The following HHLA1 variants were observed in gnomAD, a reference collection of about 807,000 sequenced individuals.
HHLA1 encodes HHLA1 neighbor of OC90, also known as HERV-H LTR-associating protein 1.
A neutral mutation model predicts 69.9 loss-of-function variants in HHLA1; 72 were observed. That is an observed-to-expected ratio of 1.03 (90% CI 0.85 to 1.25). The LOEUF is 1.25. HHLA1 is among the 50% of genes most tolerant of loss of function. The pLI is 0.00. For missense variants in HHLA1, 685 were observed against 642.2 expected (o/e 1.07, Z -0.72); for synonymous variants, 252 against 233.2 (o/e 1.08, Z -0.73).
At chr8:132,103,061 T>C (rs1309762368) in intron 3 of HHLA1, among the ~76,000 whole-genome samples, 1 of 152,210 alleles carries the variant, frequency 6.6e-6, no homozygotes, top group Non-Finnish European at 1.5e-5. Context: ...TTTGTACTTC[T>C]TAATGCTTAG....
intron 7 of HHLA1, among the ~76,000 whole-genome samples, chr8:132,094,881 C>T (rs75038380): frequency 0.011 from 1,653 of 152,256 alleles, 27 homozygotes; most frequent in African/African-American, 0.037. Context: ...GGTGAATTAA[C>T]GGTGCAAAAA....
chr8:132,062,253 A>AG lies in HHLA1; in HGVS notation c.*1741_*1742insC. ...GATAATATACATTTATGAGCTTGAC[A>AG]TTTGCATAACTTGGAGAGTCTTTCA... On this transcript the variant is annotated 3_prime_UTR_variant, in exon 17 of 17. Coordinates refer to ENST00000414222, the MANE Select transcript of HHLA1 (RefSeq NM_001145095.3). 6.6e-6 allele frequency: 1 copy of AG among 152,224 alleles called. No homozygotes were observed. The highest frequency in any genetic ancestry group is 6.5e-5 in the Admixed American group (1 of 15,288). The allele number at this position is 152,224 out of a possible 1,614,324, so 9.4% of individuals were successfully genotyped here. A position where few individuals can be genotyped will look rare whatever the true frequency, so the allele number is the denominator to read the frequency against.
intron 2 of HHLA1, among the ~76,000 whole-genome samples, chr8:132,104,402 G>A (rs1824169631): frequency 2.0e-5 from 3 of 152,166 alleles, no homozygotes; most frequent in Non-Finnish European, 4.4e-5. Flanking sequence ...TAGGCATTGT[G>A]TGTGCTGGAA....
chr8:132,066,568 G>A lies in HHLA1; in HGVS notation c.1470-600C>T, dbSNP rs114808824. ...ATTAATAGGAAGAAGAGTTCTCAGT[G>A]CAGGCTGTGTCAACTAGCTCATTGT... is the stretch of plus-strand genomic sequence containing the variant. On this transcript the variant is annotated intron_variant, in intron 15 of 16. Transcript: ENST00000414222. Among the ~76,000 whole-genome samples, 828 of 152,320 alleles carry A rather than the reference G, an allele frequency of 5.4e-3. 9 individuals are homozygous for A. Among genetic ancestry groups the A allele is most frequent in the African/African-American group, 0.018 (763 of 41,578 alleles).
chr8:132,098,553 C>G (rs1824058715), intron 5 of HHLA1, among the ~76,000 whole-genome samples: 2 of 152,168 alleles, frequency 1.3e-5, no homozygotes, highest in African/African-American at 4.8e-5. Context: ...CCTCGACCTT[C>G]TGGGCTCCAG....
In HHLA1 at chr8:132,076,049, A is replaced by T; in HGVS notation, c.1315+6T>A. 1 of 1,545,186 alleles carries T rather than the reference A, an allele frequency of 6.5e-7. No homozygotes were observed. Among genetic ancestry groups the T allele is most frequent in the Non-Finnish European group, 8.8e-7 (1 of 1,141,234 alleles). Reference sequence around the variant, plus strand: ...GCAATAGTAATGACTGGGCACTGGTACTTACTTGAAACTTGATGGGGTCTT... The same window carrying T: ...GCAATAGTAATGACTGGGCACTGGTTCTTACTTGAAACTTGATGGGGTCTT... On this transcript the variant is annotated splice_donor_region_variant and intron_variant, in intron 14 of 16. Coordinates refer to ENST00000414222, the MANE Select transcript of HHLA1 (RefSeq NM_001145095.3).
intron 10 of HHLA1, among the ~76,000 whole-genome samples, chr8:132,087,042 A>C (rs1242593816): frequency 1.3e-5 from 2 of 152,248 alleles, no homozygotes; most frequent in Non-Finnish European, 2.9e-5. Context: ...CGTAGAGTCC[A>C]AATGACATAC....
At chr8:132,102,300 C>T (rs1284420618) in intron 3 of HHLA1, among the ~76,000 whole-genome samples, 1 of 152,234 alleles carries the variant, frequency 6.6e-6, no homozygotes, top group Non-Finnish European at 1.5e-5. Flanking sequence ...GAAACTGAGT[C>T]AAGTCAGCTG....
chr8:132,068,860 G>T (rs1191042569), intron 15 of HHLA1, among the ~76,000 whole-genome samples: 1 of 152,174 alleles, frequency 6.6e-6, no homozygotes, highest in Non-Finnish European at 1.5e-5. Flanking sequence ...AAATAAGAAA[G>T]ATTTCAAGAG....
intron 1 of HHLA1, among the ~76,000 whole-genome samples, chr8:132,110,526 G>T (rs1824278973): frequency 2.0e-5 from 3 of 152,202 alleles, no homozygotes; most frequent in Admixed American, 1.3e-4. Flanking sequence ...TTTACATATA[G>T]TAACCCATTG....
At chr8:132,066,201 G>T (rs1012410946) in intron 15 of HHLA1, among the ~76,000 whole-genome samples, 3 of 152,162 alleles carry the variant, frequency 2.0e-5, no homozygotes, top group African/African-American at 4.8e-5. Flanking sequence ...TAGCCCCACT[G>T]CGTACTAGGA....
chr8:132,080,056 T>A (rs946199636), intron 10 of HHLA1, 90 bp from the exon 11 acceptor site: 16 of 1,459,990 alleles, frequency 1.1e-5, no homozygotes, highest in Admixed American at 2.0e-5. Context: ...AATATATGAA[T>A]GTGGAGATTC....
intron 3 of HHLA1, among the ~76,000 whole-genome samples, chr8:132,103,618 A>AAAATAAATAAAT (rs144841392): frequency 6.6e-6 from 1 of 151,574 alleles, no homozygotes; most frequent in Non-Finnish European, 1.5e-5. Flanking sequence ...ACCCCATCTC[A>AAAATAAATAAAT]AAATAAATAA....
chr8:132,080,008 C>T, intron 10 of HHLA1, 42 bp from the exon 11 acceptor site: 1 of 1,551,792 alleles, frequency 6.4e-7, no homozygotes. Flanking sequence ...ATGCTTGACA[C>T]TTTGGGCATA....
intron 3 of HHLA1, among the ~76,000 whole-genome samples, chr8:132,102,710 A>C (rs4736545): frequency 0.99 from 151,416 of 152,214 alleles, 75,319 homozygotes; most frequent in Middle Eastern, 1. Context: ...AGCAGGGATG[A>C]CCCAGGCTAC....
chr8:132,072,884 G>A (rs980370846), intron 14 of HHLA1, among the ~76,000 whole-genome samples: 2 of 151,934 alleles, frequency 1.3e-5, no homozygotes, highest in South Asian at 2.1e-4. Flanking sequence ...TCTGGTAGAG[G>A]TGCAATTGAT....
At chr8:132,076,390 C>T (rs1312444958) in intron 13 of HHLA1, 85 bp downstream of exon 13, 47 of 936,332 alleles carry the variant, frequency 5.0e-5, no homozygotes, top group Non-Finnish European at 7.2e-5. Context: ...TACTGGTACC[C>T]CATCCCACCA....
intron 7 of HHLA1, among the ~76,000 whole-genome samples, chr8:132,092,361 A>G (rs74486003): frequency 0.011 from 1,689 of 152,310 alleles, 37 homozygotes; most frequent in African/African-American, 0.039. Flanking sequence ...CTGTGAGTTC[A>G]TAGTGAATGT....
intron 10 of HHLA1, among the ~76,000 whole-genome samples, chr8:132,083,329 A>G (rs1471501033): frequency 1.3e-5 from 2 of 152,086 alleles, no homozygotes; most frequent in Non-Finnish European, 2.9e-5. Context: ...CAATACCCAC[A>G]ACAGTTATGG....
Sources: allele counts gnomAD v4.1 joint callset (sites outside exome capture counted in the v4.1 genomes callset), GRCh38; gene constraint gnomAD v4.1.1; transcripts MANE v1.5; gene names NCBI Gene and HGNC (gene_info 2026-07-23, HGNC 2026-07-21).